The following ALK variants were observed in gnomAD, a reference collection of about 807,000 sequenced individuals.
The protein encoded by ALK is ALK tyrosine kinase receptor.
In ALK, 74 loss-of-function variants were observed where a neutral mutation model predicts 163.1. The observed-to-expected ratio is 0.45, with a 90% CI of 0.38 to 0.55. The LOEUF (loss-of-function observed/expected upper bound fraction) is 0.55, where lower values mean the gene tolerates loss of function less well. Ranked by LOEUF, ALK falls within the 20% of genes least tolerant of loss-of-function variation. The pLI, the probability that ALK is intolerant of heterozygous loss-of-function variation, is 0.00. For synonymous variants in ALK, 960 were observed against 843.2 expected (o/e 1.14, Z -2.40); for missense variants, 2,063 against 2,105.3 (o/e 0.98, Z 0.39).
chr2:29,429,203 A>G (rs1369711832), intron 4 of ALK, among the ~76,000 whole-genome samples: 1 of 152,060 alleles, frequency 6.6e-6, no homozygotes, highest in African/African-American at 2.4e-5. Flanking sequence ...TAAGACAAGA[A>G]TATCAGCTCA....
intron 23 of ALK, 124 bp downstream of exon 23, chr2:29,220,582 A>G: frequency 7.2e-7 from 1 of 1,387,656 alleles, no homozygotes; most frequent in Non-Finnish European, 1.0e-6. Context: ...CCCCTGTCCA[A>G]GCCTAAAGTT....
chr2:29,900,979 A>AAGAG (rs372397564), intron 1 of ALK, among the ~76,000 whole-genome samples: 6 of 146,704 alleles, frequency 4.1e-5, no homozygotes, highest in South Asian at 2.1e-4. Context: ...GAAAGAAAGA[A>AAGAG]AGAGAGAGAG....
At chr2:29,626,109 G>A (rs1224804429) in intron 3 of ALK, among the ~76,000 whole-genome samples, 1 of 152,202 alleles carries the variant, frequency 6.6e-6, no homozygotes, top group Non-Finnish European at 1.5e-5. Flanking sequence ...GGACTGAAGG[G>A]CTGTGTCCCT....
Position 29,222,335 on chromosome 2 carries a change from T to C in ALK, c.3515+9A>G. On this transcript the variant is annotated intron_variant, in intron 22 of 28. Transcript: ENST00000389048. ...GAGTTGGGGTGAGGGTGTCTCTCTG[T>C]GGCTTTACCTGATGATCAGGGCTTC... 6.2e-7 allele frequency: 1 copy of C among 1,613,938 alleles called. No homozygotes were observed. Among genetic ancestry groups the C allele is most frequent in the Non-Finnish European group, 8.5e-7 (1 of 1,179,900 alleles).
rs2148301533 is a variant in ALK, at chr2:29,383,778, G to A, written c.1236C>T (p.Arg412=). The A allele has an allele frequency of 6.2e-7, 1 of 1,614,172 alleles. No individual in the cohort carries two copies. Among genetic ancestry groups the A allele is most frequent in the Non-Finnish European group, 8.5e-7 (1 of 1,180,012 alleles). The change falls in exon 5 of 29, where the codon CGC becomes CGT. Residue 412 remains arginine (R), a synonymous_variant. Coordinates refer to ENST00000389048, the MANE Select transcript of ALK (RefSeq NM_004304.5). The part of the protein sequence containing the change: ...VALEYISSGN[R]SLSAVDFFAL... Reference sequence around the variant, plus strand: ...CAAAGAAGTCCACTGCAGACAAGCTGCGGTTTCCACTGGAGATGTATTCCA... The same window carrying A: ...CAAAGAAGTCCACTGCAGACAAGCTACGGTTTCCACTGGAGATGTATTCCA...
At chr2:29,521,232 A>G (rs1165934486) in intron 4 of ALK, among the ~76,000 whole-genome samples, 1 of 152,190 alleles carries the variant, frequency 6.6e-6, no homozygotes, top group Non-Finnish European at 1.5e-5. Context: ...TGGTGCCCTC[A>G]GGTGAGTGAT....
chr2:29,920,117 G>A lies in ALK; in HGVS notation c.543C>T (p.Gly181=), dbSNP rs984559507. 5 of 1,614,066 alleles carry A rather than the reference G, an allele frequency of 3.1e-6. No homozygotes were observed. The highest frequency in any genetic ancestry group is 4.2e-6 in the Non-Finnish European group (5 of 1,180,042). ...SELFSWWIRQ[G]EGRLRIRLMP... ...TCAGGCGGATCCTCAGTCGCCCTTC[G>A]CCTTGGCGAATCCACCAACTGAACA... is the stretch of plus-strand genomic sequence containing the variant. The change falls in exon 1 of 29, where the codon GGC becomes GGT. Residue 181 remains glycine, a synonymous_variant. Coordinates refer to ENST00000389048, the MANE Select transcript of ALK (RefSeq NM_004304.5).
At chr2:29,620,551 C>A (rs1025608415) in intron 3 of ALK, among the ~76,000 whole-genome samples, 2 of 151,892 alleles carry the variant, frequency 1.3e-5, no homozygotes, top group Non-Finnish European at 2.9e-5. Flanking sequence ...GCTGAAGATG[C>A]GAACACGGAG....
chr2:29,216,084 G>A lies in ALK; in HGVS notation c.3646-2003C>T, dbSNP rs535231638. On this transcript the variant is annotated intron_variant, in intron 23 of 28. Transcript: ENST00000389048. ...GGTACCTCTGCACAGGCGGGCAGCA[G>A]AGACTCTGATCATTCCCATCAAGCA... Among the ~76,000 whole-genome samples, 398 of 152,290 alleles carry A rather than the reference G, an allele frequency of 2.6e-3. 1 individual carries two copies. Among genetic ancestry groups the A allele is most frequent in the Admixed American group, 4.4e-3 (68 of 15,310 alleles).
chr2:29,310,960 A>C (rs1666678947), intron 8 of ALK, among the ~76,000 whole-genome samples: 2 of 152,194 alleles, frequency 1.3e-5, no homozygotes, highest in Non-Finnish European at 2.9e-5. Flanking sequence ...TCTCTTACTC[A>C]TGTAGAGAGC....
intron 2 of ALK, among the ~76,000 whole-genome samples, chr2:29,711,319 C>A (rs1679095450): frequency 6.6e-6 from 1 of 152,180 alleles, no homozygotes; most frequent in Non-Finnish European, 1.5e-5. Context: ...TCTCTGTGTT[C>A]CCTAGAGTCC....
intron 1 of ALK, among the ~76,000 whole-genome samples, chr2:29,886,360 G>C (rs537366709): frequency 2.0e-5 from 3 of 152,310 alleles, no homozygotes; most frequent in African/African-American, 4.8e-5. Context: ...CTGTGCAGGG[G>C]TTGTTGAAAA....
chr2:29,917,173 G>T (rs1176880643), intron 1 of ALK, among the ~76,000 whole-genome samples: 2 of 152,060 alleles, frequency 1.3e-5, no homozygotes, highest in Admixed American at 6.5e-5. Context: ...AGCTATCTTT[G>T]GTCTGAGCCA....
intron 12 of ALK, among the ~76,000 whole-genome samples, chr2:29,245,650 A>T (rs1271845071): frequency 2.4e-5 from 3 of 126,254 alleles, no homozygotes; most frequent in South Asian, 2.7e-4. Context: ...TGCACATAGT[A>T]GGGGCTCCAT....
intron 4 of ALK, among the ~76,000 whole-genome samples, chr2:29,455,041 C>T (rs1024626548): frequency 2.0e-5 from 3 of 152,130 alleles, no homozygotes; most frequent in East Asian, 3.9e-4. Context: ...TCTCTCATTC[C>T]GAGCTCTTGA....
At chr2:29,520,806 G>A (rs1363747663) in intron 4 of ALK, among the ~76,000 whole-genome samples, 3 of 152,114 alleles carry the variant, frequency 2.0e-5, no homozygotes, top group Non-Finnish European at 1.5e-5. Context: ...CTTGATCAGT[G>A]GCTTTGAGTG....
chr2:29,767,587 TAC>T (rs1680898510), intron 1 of ALK, among the ~76,000 whole-genome samples: 1 of 152,210 alleles, frequency 6.6e-6, no homozygotes, highest in African/African-American at 2.4e-5. Flanking sequence ...TAATGGAAGA[TAC>T]AGTCATTAGG....
chr2:29,537,526 G>A (rs1558373646), intron 3 of ALK, among the ~76,000 whole-genome samples: 1 of 152,236 alleles, frequency 6.6e-6, no homozygotes, highest in Non-Finnish European at 1.5e-5. Flanking sequence ...TGCCATAGGA[G>A]GCATGGGCAG....
intron 1 of ALK, among the ~76,000 whole-genome samples, chr2:29,902,491 A>G (rs1286758472): frequency 6.6e-6 from 1 of 152,160 alleles, no homozygotes; most frequent in Non-Finnish European, 1.5e-5. Context: ...TCTTCCTAAA[A>G]TGCTATTTAC....
Sources: gnomAD v4.1 joint callset for allele counts (sites outside exome capture counted in the v4.1 genomes callset) on GRCh38, gnomAD v4.1.1 for gene constraint, MANE v1.5 for transcripts, NCBI Gene and HGNC (gene_info 2026-07-23, HGNC 2026-07-21) for gene names.